The following COL12A1 variants were observed in gnomAD, a reference collection of about 807,000 sequenced individuals.
COL12A1 encodes the protein collagen alpha-1(XII) chain.
In COL12A1, 114 loss-of-function variants were observed where a neutral mutation model predicts 349.7. The observed-to-expected ratio is 0.33, with a 90% confidence interval of 0.28 to 0.38. COL12A1 has a LOEUF of 0.38. COL12A1 is among the 10% of genes least tolerant of loss of function. The pLI is 1.00. For synonymous variants in COL12A1, 1,369 were observed against 1,329.0 expected, an observed-to-expected ratio of 1.03 and a Z score of -0.66; for missense variants, 3,284 against 3,756.9, an observed-to-expected ratio of 0.87 and a Z score of 3.29.
intron 21 of COL12A1, among the ~76,000 whole-genome samples, chr6:75,149,678 T>A (rs990809538): frequency 4.6e-5 from 7 of 152,126 alleles, no homozygotes; most frequent in African/African-American, 1.7e-4. Context: ...TCGTATAAAC[T>A]CTTTCTACTT....
chr6:75,123,507 T>G, intron 42 of COL12A1, 103 bp from the exon 43 acceptor site: 1 of 934,866 alleles, frequency 1.1e-6, no homozygotes, highest in Non-Finnish European at 1.6e-6. Flanking sequence ...CCAAATCAAG[T>G]CGTACAAAAT....
chr6:75,133,261 T>C (rs1766400308), intron 34 of COL12A1, 32 bp downstream of exon 34: 1 of 1,540,638 alleles, frequency 6.5e-7, no homozygotes, highest in Non-Finnish European at 8.7e-7. Context: ...ACACTTATGA[T>C]GAAAAATTAA....
At chr6:75,117,255 G>T in intron 47 of COL12A1, 127 bp downstream of exon 47, 2 of 890,948 alleles carry the variant, frequency 2.2e-6, no homozygotes, top group Non-Finnish European at 3.4e-6. Context: ...GATTCATCAG[G>T]TTCTCAAGTG....
chr6:75,181,927 C>CAA (rs547248236), intron 10 of COL12A1, among the ~76,000 whole-genome samples: 7 of 139,320 alleles, frequency 5.0e-5, no homozygotes, highest in Non-Finnish European at 9.4e-5. Context: ...CCGTCTCTAC[C>CAA]AAAAAAAAAA....
At chr6:75,199,398 T>C (rs1006023277) in intron 2 of COL12A1, among the ~76,000 whole-genome samples, 1 of 152,116 alleles carries the variant, frequency 6.6e-6, no homozygotes, top group Non-Finnish European at 1.5e-5. Flanking sequence ...TACAAATTAG[T>C]CTCAACCTAG....
intron 1 of COL12A1, among the ~76,000 whole-genome samples, 184 bp downstream of exon 1, chr6:75,205,593 C>A (rs1422179851): frequency 6.6e-6 from 1 of 152,094 alleles, no homozygotes; most frequent in Non-Finnish European, 1.5e-5. Flanking sequence ...CCTCAAAAAC[C>A]CCAAAGAATC....
chr6:75,156,127 T>G, intron 15 of COL12A1, 130 bp downstream of exon 15: 1 of 1,155,370 alleles, frequency 8.7e-7, no homozygotes, highest in Non-Finnish European at 1.2e-6. Context: ...TATTTAGACA[T>G]TGTCTAGTAA....
chr6:75,092,829 T>A (rs1767839046), intron 60 of COL12A1, among the ~76,000 whole-genome samples: 1 of 151,106 alleles, frequency 6.6e-6, no homozygotes, highest in Non-Finnish European at 1.5e-5. Context: ...TATCATGGGC[T>A]ACATGGTCCA....
intron 2 of COL12A1, among the ~76,000 whole-genome samples, chr6:75,196,725 A>G (rs1391757103): frequency 6.6e-6 from 1 of 152,236 alleles, no homozygotes; most frequent in East Asian, 1.9e-4. Context: ...GCAATGGCTC[A>G]GGACAAATTT....
Position 75,154,560 on chromosome 6 carries a change from T to G in COL12A1, c.3444-23A>C, listed in dbSNP as rs3756789. 9.9e-3 allele frequency: 15,620 copies of G among 1,583,180 alleles called. 666 individuals are homozygous for G. The East Asian group carries it at 0.15, about 15-fold the overall frequency. On this transcript the variant is annotated intron_variant, in intron 16 of 65. Transcript: ENST00000322507. ...GCCCTAAAATGTTAAAGTATATATA[T>G]AGCCTGTGAGAACCATAGGCTCAAG...
At chr6:75,135,277 T>C (rs1426448448) in intron 31 of COL12A1, among the ~76,000 whole-genome samples, 2 of 152,218 alleles carry the variant, frequency 1.3e-5, no homozygotes, top group Non-Finnish European at 2.9e-5. Context: ...ACAGATGTTT[T>C]TATTTGCTTT....
chr6:75,197,589 G>A (rs1410309648), intron 2 of COL12A1, among the ~76,000 whole-genome samples: 1 of 152,062 alleles, frequency 6.6e-6, no homozygotes, highest in Non-Finnish European at 1.5e-5. Flanking sequence ...TGGGATTGTA[G>A]GAATAAGCCA....
intron 59 of COL12A1, among the ~76,000 whole-genome samples, chr6:75,096,689 G>T (rs941628533): frequency 1.3e-5 from 2 of 152,174 alleles, no homozygotes; most frequent in African/African-American, 2.4e-5. Context: ...GAGGTCAGGA[G>T]ATCGAGACCA....
Position 75,185,744 on chromosome 6 carries a change from G to A in COL12A1, c.998-1600C>T, listed in dbSNP as rs562599764. 2.0e-5 allele frequency among the ~76,000 whole-genome samples: 3 copies of A among 152,284 alleles called. No individual in the cohort carries two copies. In the South Asian group the frequency reaches 6.2e-4, roughly 32 times the overall value. On this transcript the variant is annotated intron_variant, in intron 8 of 65. Coordinates refer to ENST00000322507, the MANE Select transcript of COL12A1 (RefSeq NM_004370.6). ...CTACAGGGCTGTGGTAACCAAAACA[G>A]CATAGTACTGGTACAGAAACAGACA...
chr6:75,122,708 G>T (rs1259555594), intron 43 of COL12A1, among the ~76,000 whole-genome samples: 1 of 152,148 alleles, frequency 6.6e-6, no homozygotes, highest in Non-Finnish European at 1.5e-5. Flanking sequence ...TATCTGAAAT[G>T]CTTTCTATTA....
chr6:75,104,119 A>T (rs1195874623), intron 54 of COL12A1, among the ~76,000 whole-genome samples: 2 of 152,318 alleles, frequency 1.3e-5, no homozygotes, highest in South Asian at 2.1e-4. Flanking sequence ...CTTTGGATTT[A>T]TGTGAATTAC....
rs188364100 is a variant in COL12A1, at chr6:75,198,234, A to G, written c.74-3287T>C. Reference sequence around the variant, plus strand: ...TAACCCATTTATACCTGAGGTTGCAATTTTTTGAATTTTTGTAATCAGACC... The same window carrying G: ...TAACCCATTTATACCTGAGGTTGCAGTTTTTTGAATTTTTGTAATCAGACC... On this transcript the variant is annotated intron_variant, in intron 2 of 65. Transcript: ENST00000322507. Among the ~76,000 whole-genome samples the G allele has an allele frequency of 1.8e-4, 28 of 152,276 alleles. No individual in the cohort carries two copies. The East Asian group carries it at 5.2e-3, about 28-fold the overall frequency.
chr6:75,095,203 G>A (rs1305344648), intron 59 of COL12A1, 24 bp from the exon 60 acceptor site: 6 of 1,582,736 alleles, frequency 3.8e-6, no homozygotes, highest in Non-Finnish European at 4.3e-6. Flanking sequence ...AAAGGGAAGG[G>A]GACTGTTATG....
rs752847412 is a variant in COL12A1, at chr6:75,145,332, C to G, written c.4684G>C (p.Val1562Leu). ...AAACTAAGCAGTAGCTTACAGGTGA[C>G]TTCCCGAACAGTGACAGGTTCACTA... is the stretch of plus-strand genomic sequence containing the variant. ...LTSEPVTVRE[V>L]TLPLPRPQDL... Residue 1562 changes from valine (V) to leucine (L), a missense_variant, in exon 25 of 66, where the codon GTC becomes CTC. Val to Leu is a conservative substitution (Grantham distance 32). Transcript: ENST00000322507. 1.2e-6 allele frequency: 2 copies of G among 1,607,712 alleles called. No individual in the cohort carries two copies. Among genetic ancestry groups the G allele is most frequent in the South Asian group, 1.1e-5 (1 of 90,358 alleles).
Sources: gnomAD v4.1 joint callset for allele counts (sites outside exome capture counted in the v4.1 genomes callset) on GRCh38, gnomAD v4.1.1 for gene constraint, MANE v1.5 for transcripts, NCBI Gene and HGNC (gene_info 2026-07-23, HGNC 2026-07-21) for gene names.